The following TCERG1L variants were observed in gnomAD, a reference collection of about 807,000 sequenced individuals.
TCERG1L encodes the protein transcription elongation regulator 1 like.
Under a neutral mutation model 56.3 loss-of-function variants are expected in TCERG1L, and 37 were observed. That is an observed-to-expected ratio of 0.66 (90% CI 0.51 to 0.87). The LOEUF is 0.87. Ranked by LOEUF, TCERG1L falls within the 40% of genes least tolerant of loss-of-function variation. The pLI is 0.00. For missense variants in TCERG1L, 799 were observed against 774.2 expected (o/e 1.03, Z -0.38); for synonymous variants, 324 against 326.3 (o/e 0.99, Z 0.08).
chr10:131,171,308 G>C (rs2008406), intron 4 of TCERG1L, among the ~76,000 whole-genome samples: 69,923 of 152,110 alleles, frequency 0.46, 19,209 homozygotes, highest in South Asian at 0.68. Context: ...CTGAAAGAAG[G>C]GGGAGGTGGG....
chr10:131,147,835 C>A (rs2133415819), intron 6 of TCERG1L, among the ~76,000 whole-genome samples: 1 of 152,394 alleles, frequency 6.6e-6, no homozygotes, highest in African/African-American at 2.4e-5. Flanking sequence ...TCACTCCCGC[C>A]AGCCTCGCAC....
chr10:131,246,215 G>A (rs1846035176), intron 4 of TCERG1L, among the ~76,000 whole-genome samples: 1 of 152,222 alleles, frequency 6.6e-6, no homozygotes, highest in Non-Finnish European at 1.5e-5. Flanking sequence ...CAGAGGGGTG[G>A]CTGCACTCAG....
At position 131,114,873 on chromosome 10, in the gene TCERG1L, G is replaced by A. The variant is rs545055015; in HGVS notation, c.1395+1926C>T. 1.4e-4 allele frequency among the ~76,000 whole-genome samples: 22 copies of A among 152,336 alleles called. No individual in the cohort carries two copies. In the East Asian group the frequency reaches 3.7e-3, roughly 25 times the overall value. ...GATGCCATCATGTTTCAGCAAACAC[G>A]AGTCATGTCTCCTGCCCGATAATCC... is the stretch of plus-strand genomic sequence containing the variant. On this transcript the variant is annotated intron_variant, in intron 9 of 11. Transcript: ENST00000368642.
intron 4 of TCERG1L, among the ~76,000 whole-genome samples, chr10:131,219,704 G>A (rs766364988): frequency 5.3e-5 from 8 of 152,166 alleles, no homozygotes; most frequent in Admixed American, 3.3e-4. Context: ...AGCTCACCGC[G>A]GCATCCCTGG....
chr10:131,272,654 A>G (rs1846352156), intron 3 of TCERG1L, among the ~76,000 whole-genome samples: 1 of 152,104 alleles, frequency 6.6e-6, no homozygotes, highest in South Asian at 2.1e-4. Flanking sequence ...GACCCTTGGC[A>G]ACCCTTCCTG....
At position 131,257,044 on chromosome 10, in the gene TCERG1L, A is replaced by C. The variant is rs536939040; in HGVS notation, c.856+3215T>G. Among the ~76,000 whole-genome samples, 120 of 150,074 alleles carry C rather than the reference A, an allele frequency of 8.0e-4. 1 individual carries two copies. Among genetic ancestry groups the C allele is most frequent in the Non-Finnish European group, 1.4e-3 (92 of 67,482 alleles). On this transcript the variant is annotated intron_variant, in intron 4 of 11. Coordinates refer to ENST00000368642, the MANE Select transcript of TCERG1L (RefSeq NM_174937.4). The stretch of plus-strand genomic sequence containing the variant: ...AAGAAAGAAAGAAAGAAAGAAAGAA[A>C]GAAAGAAAGAAAAGAAAGAAAGAAA...
At position 131,137,583 on chromosome 10, in the gene TCERG1L, C is replaced by T. The variant is rs1845690072; in HGVS notation, c.1190-3135G>A. Among the ~76,000 whole-genome samples the T allele has an allele frequency of 2.0e-5, 3 of 152,244 alleles. No individual in the cohort carries two copies. In the South Asian group the frequency reaches 6.2e-4, roughly 31 times the overall value. The stretch of plus-strand genomic sequence containing the variant: ...GGGAGTGGCACCTCTCCTCCACCCA[C>T]ACCAGAACGTACCCAGGGAGGCCAC... On this transcript the variant is annotated intron_variant, in intron 7 of 11. Coordinates refer to ENST00000368642, the MANE Select transcript of TCERG1L (RefSeq NM_174937.4).
chr10:131,255,324 G>A (rs137934306), intron 4 of TCERG1L, among the ~76,000 whole-genome samples: 216 of 152,356 alleles, frequency 1.4e-3, no homozygotes, highest in African/African-American at 4.7e-3. Context: ...AAAGGCCATC[G>A]CAGAAGAATG....
intron 3 of TCERG1L, among the ~76,000 whole-genome samples, chr10:131,278,227 T>C (rs2133559812): frequency 6.6e-6 from 1 of 152,200 alleles, no homozygotes; most frequent in South Asian, 2.1e-4. Context: ...TCCTGCTCGG[T>C]TTCCTCACCT....
intron 9 of TCERG1L, among the ~76,000 whole-genome samples, chr10:131,107,858 C>G (rs374828414): frequency 6.6e-6 from 1 of 152,060 alleles, no homozygotes; most frequent in Admixed American, 6.5e-5. Context: ...GATATACATA[C>G]GCAGGCACAC....
intron 4 of TCERG1L, among the ~76,000 whole-genome samples, chr10:131,241,796 G>A (rs1008339839): frequency 1.3e-5 from 2 of 151,928 alleles, no homozygotes; most frequent in African/African-American, 4.8e-5. Context: ...GCCCATGGAG[G>A]TTTCCACAGA....
chr10:131,100,090 C>T (rs1357322373), intron 10 of TCERG1L, among the ~76,000 whole-genome samples: 1 of 152,204 alleles, frequency 6.6e-6, no homozygotes, highest in African/African-American at 2.4e-5. Context: ...TGGTTGCGAA[C>T]TCCTGACCTC....
At chr10:131,105,624 A>AT (rs1323642671) in intron 9 of TCERG1L, among the ~76,000 whole-genome samples, 1 of 151,402 alleles carries the variant, frequency 6.6e-6, no homozygotes, top group African/African-American at 2.4e-5. Context: ...TTATGTACTC[A>AT]TCCTTGTATT....
chr10:131,166,836 C>A lies in TCERG1L; in HGVS notation c.906G>T (p.Leu302=), dbSNP rs1846036303. 6.2e-7 allele frequency: 1 copy of A among 1,613,712 alleles called. No individual in the cohort carries two copies. Among genetic ancestry groups the A allele is most frequent in the African/African-American group, 1.3e-5 (1 of 74,942 alleles). The change falls in exon 5 of 12, where the codon CTG becomes CTT. Residue 302 remains leucine, a synonymous_variant. Transcript: ENST00000368642. ...CTCCATCCCGGCTCTTCTGGGCCCG[C>A]AGCATCAGGGCAGGAGGGCGGGCCA... ...GRVARPPALM[L]RAQKSRDGDK...
intron 6 of TCERG1L, among the ~76,000 whole-genome samples, chr10:131,153,301 C>T (rs546981768): frequency 2.5e-4 from 38 of 152,280 alleles, no homozygotes; most frequent in African/African-American, 8.9e-4. Flanking sequence ...GGATGTCCTA[C>T]TTTCCACAGA....
At chr10:131,129,812 T>C (rs141427129) in intron 8 of TCERG1L, among the ~76,000 whole-genome samples, 163 of 152,330 alleles carry the variant, frequency 1.1e-3, no homozygotes, top group Non-Finnish European at 1.9e-3. Flanking sequence ...TGACTCACAG[T>C]TGCGCATGGA....
chr10:131,179,272 C>G (rs552736303), intron 4 of TCERG1L, among the ~76,000 whole-genome samples: 2 of 152,230 alleles, frequency 1.3e-5, no homozygotes, highest in Non-Finnish European at 2.9e-5. Flanking sequence ...CAGGTCACAG[C>G]GAGAGGCCAG....
chr10:131,304,311 A>C (rs1846797418), intron 3 of TCERG1L, among the ~76,000 whole-genome samples: 1 of 152,038 alleles, frequency 6.6e-6, no homozygotes. Flanking sequence ...AATGGCTTGA[A>C]GGACTCCGAA....
intron 6 of TCERG1L, among the ~76,000 whole-genome samples, chr10:131,157,308 AATAAT>A (rs2133425578): frequency 6.6e-6 from 1 of 152,348 alleles, no homozygotes; most frequent in African/African-American, 2.4e-5. Context: ...TTGTTTAGAA[AATAAT>A]ATGTTAAAAC....
Sources: gnomAD v4.1 joint callset for allele counts (sites outside exome capture counted in the v4.1 genomes callset) on GRCh38, gnomAD v4.1.1 for gene constraint, MANE v1.5 for transcripts, NCBI Gene and HGNC (gene_info 2026-07-23, HGNC 2026-07-21) for gene names.